SYNRG: variants seen among roughly 807,000 people sequenced by gnomAD.
The protein encoded by SYNRG is synergin gamma.
SYNRG carries 37 observed loss-of-function variants against 130.9 expected under a neutral mutation model. The observed-to-expected ratio is 0.28, with a 90% CI of 0.22 to 0.37. SYNRG has a LOEUF of 0.37. SYNRG is among the 10% of genes least tolerant of loss of function. The pLI is 1.00. For synonymous variants in SYNRG, 539 were observed against 568.1 expected (o/e 0.95, Z 0.73); for missense variants, 1,338 against 1,588.9 (o/e 0.84, Z 2.68).
chr17:37,602,885 G>A (rs1381788499), intron 1 of SYNRG, among the ~76,000 whole-genome samples: 2 of 152,062 alleles, frequency 1.3e-5, no homozygotes, highest in Admixed American at 1.3e-4. Flanking sequence ...TTAGCCAGGC[G>A]TGGTGGCATG....
intron 8 of SYNRG, 119 bp downstream of exon 8, chr17:37,576,217 AAAAAG>A (rs1374365076): frequency 4.5e-6 from 4 of 890,586 alleles, no homozygotes; most frequent in East Asian, 2.6e-5. Context: ...TCTTTCAGAA[AAAAAG>A]AAAAGTGACA....
At chr17:37,579,512 T>A in intron 6 of SYNRG, 1 of 1,086,992 alleles carries the variant, frequency 9.2e-7, no homozygotes, top group Non-Finnish European at 1.2e-6. Flanking sequence ...GTAGTACAAT[T>A]CCAAAAGAAT....
intron 19 of SYNRG, chr17:37,529,660 C>T: frequency 2.4e-6 from 2 of 835,586 alleles, no homozygotes; most frequent in Non-Finnish European, 3.7e-6. Context: ...AACTGGCTTG[C>T]ACTTCACCTG....
chr17:37,609,244 G>C, intron 1 of SYNRG, 35 bp downstream of exon 1: 3 of 1,409,416 alleles, frequency 2.1e-6, no homozygotes, highest in Admixed American at 3.3e-5. Flanking sequence ...CCCCCGCGGA[G>C]GCCAGCGGGC....
intron 14 of SYNRG, among the ~76,000 whole-genome samples, chr17:37,543,951 G>C (rs1383373864): frequency 6.6e-6 from 1 of 152,230 alleles, no homozygotes; most frequent in Non-Finnish European, 1.5e-5. Flanking sequence ...TACAAGGAAA[G>C]TGCTCAAAAG....
Position 37,571,821 on chromosome 17 carries a change from A to G in SYNRG, c.1068T>C (p.Tyr356=), listed in dbSNP as rs760670286. ...TTACCGCTATCATGGCTAGAACGGT[A>G]TAAAGTTCTTCTTTTGTAAGTTTGC... ...TPGKLTKEEL[Y]TVLAMIAVTQ... The change falls in exon 9 of 22, where the codon TAT becomes TAC. Residue 356 remains tyrosine, a synonymous_variant. Coordinates refer to ENST00000612223, the MANE Select transcript of SYNRG (RefSeq NM_007247.6). The G allele has an allele frequency of 6.2e-7, 1 of 1,614,158 alleles. No individual in the cohort carries two copies. The highest frequency in any genetic ancestry group is 1.7e-5 in the Admixed American group (1 of 60,012).
chr17:37,543,216 G>A (rs1347594140), intron 14 of SYNRG, among the ~76,000 whole-genome samples: 1 of 151,960 alleles, frequency 6.6e-6, no homozygotes, highest in Non-Finnish European at 1.5e-5. Flanking sequence ...TATGAGGAAA[G>A]AAAATCAATC....
chr17:37,575,936 C>T (rs1372079449), intron 8 of SYNRG, among the ~76,000 whole-genome samples: 1 of 149,758 alleles, frequency 6.7e-6, no homozygotes, highest in Non-Finnish European at 1.5e-5. Context: ...TATAGTATTA[C>T]ATGACAAGTC....
intron 11 of SYNRG, among the ~76,000 whole-genome samples, chr17:37,562,809 G>T (rs1322678889): frequency 6.6e-6 from 1 of 152,000 alleles, no homozygotes. Flanking sequence ...TGTACAGAAT[G>T]TTACATGGGA....
chr17:37,594,682 G>A (rs924900822), intron 3 of SYNRG, among the ~76,000 whole-genome samples: 2 of 151,988 alleles, frequency 1.3e-5, no homozygotes, highest in South Asian at 2.1e-4. Flanking sequence ...GGCTGGTCTC[G>A]ATCTCCTGAA....
chr17:37,570,015 T>A (rs2060299888), intron 10 of SYNRG, among the ~76,000 whole-genome samples: 1 of 152,248 alleles, frequency 6.6e-6, no homozygotes, highest in African/African-American at 2.4e-5. Context: ...TAGCTATTTC[T>A]ACTTTTTACT....
intron 1 of SYNRG, among the ~76,000 whole-genome samples, chr17:37,607,241 A>G (rs2063827729): frequency 6.6e-6 from 1 of 152,196 alleles, no homozygotes; most frequent in Admixed American, 6.5e-5. Flanking sequence ...TTCAACCCAT[A>G]TTTATTTTAA....
At chr17:37,539,655 G>C (rs983738629) in intron 16 of SYNRG, among the ~76,000 whole-genome samples, 3 of 152,326 alleles carry the variant, frequency 2.0e-5, no homozygotes, top group African/African-American at 7.2e-5. Context: ...ACAGGCATGA[G>C]CCACCATGCC....
intron 20 of SYNRG, 99 bp from the exon 21 acceptor site, chr17:37,520,313 C>T: frequency 6.7e-7 from 1 of 1,490,720 alleles, no homozygotes; most frequent in East Asian, 2.3e-5. Context: ...CCCTGACCTC[C>T]CCACTATGCA....
chr17:37,601,665 TTTTTA>T (rs1397112740), intron 1 of SYNRG, among the ~76,000 whole-genome samples: 1 of 152,116 alleles, frequency 6.6e-6, no homozygotes, highest in Non-Finnish European at 1.5e-5. Context: ...GACAACTTTA[TTTTTA>T]TTTTATTTTT....
At chr17:37,520,749 C>T in intron 19 of SYNRG, 101 bp from the exon 20 acceptor site, 4 of 885,126 alleles carry the variant, frequency 4.5e-6, no homozygotes, top group Non-Finnish European at 3.7e-6. Context: ...GCGGCAAGTA[C>T]AGTACTCTAA....
chr17:37,568,745 TC>T (rs1258544741), intron 11 of SYNRG, 45 bp downstream of exon 11: 1 of 1,593,308 alleles, frequency 6.3e-7, no homozygotes, highest in Non-Finnish European at 8.6e-7. Flanking sequence ...GATGCCTCTT[TC>T]TTAATGGTTA....
intron 14 of SYNRG, among the ~76,000 whole-genome samples, chr17:37,552,486 C>T (rs2058782934): frequency 6.6e-6 from 1 of 152,048 alleles, no homozygotes; most frequent in South Asian, 2.1e-4. Context: ...TTAATATTTC[C>T]AGTAATAGAG....
At chr17:37,605,449 C>CAA (rs2063668632) in intron 1 of SYNRG, among the ~76,000 whole-genome samples, 1 of 152,056 alleles carries the variant, frequency 6.6e-6, no homozygotes, top group Non-Finnish European at 1.5e-5. Context: ...CAAATGAGGA[C>CAA]GTAGAATCAA....
Sources: gnomAD v4.1 joint callset for allele counts (sites outside exome capture counted in the v4.1 genomes callset) on GRCh38, gnomAD v4.1.1 for gene constraint, MANE v1.5 for transcripts, NCBI Gene and HGNC (gene_info 2026-07-23, HGNC 2026-07-21) for gene names.